MACROD2: variants seen among roughly 807,000 people sequenced by gnomAD.
MACROD2 encodes ADP-ribose glycohydrolase MACROD2.
A neutral mutation model predicts 70.4 loss-of-function variants in MACROD2; 36 were observed. The ratio of observed to expected loss-of-function variants is 0.51; its 90% CI spans 0.39 to 0.68. The LOEUF (loss-of-function observed/expected upper bound fraction) is 0.68, where lower values mean the gene tolerates loss of function less well. Among genes scored for constraint, MACROD2 ranks in the 30% least tolerant of loss-of-function variants. The pLI, the probability that MACROD2 is intolerant of heterozygous loss-of-function variation, is 0.00. For missense variants in MACROD2, 496 were observed against 538.4 expected, an observed-to-expected ratio of 0.92 and a Z score of 0.78; for synonymous variants, 172 against 178.8, an observed-to-expected ratio of 0.96 and a Z score of 0.30.
Position 15,791,086 on chromosome 20 carries a change from A to AT in MACROD2, c.646-71654dup, listed in dbSNP as rs1033385648. 4.9e-4 allele frequency among the ~76,000 whole-genome samples: 74 copies of AT among 151,764 alleles called. 1 individual carries two copies. The highest frequency in any genetic ancestry group is 1.2e-3 in the South Asian group (6 of 4,818). ...AAACTCACTGATCAATTCTACTATT[A>AT]TTTTTCTTTGTTTTCCATCTTTCCT... On this transcript the variant is annotated intron_variant, in intron 8 of 17. Transcript: ENST00000684519.
At chr20:15,711,549 G>A (rs34693351) in intron 8 of MACROD2, among the ~76,000 whole-genome samples, 5,818 of 152,268 alleles carry the variant, frequency 0.038, 197 homozygotes, top group Admixed American at 0.095. Flanking sequence ...GCTCCTTGCC[G>A]GATGGAGTGA....
intron 8 of MACROD2, among the ~76,000 whole-genome samples, chr20:15,593,063 G>A (rs762360260): frequency 6.6e-6 from 1 of 152,134 alleles, no homozygotes; most frequent in African/African-American, 2.4e-5. Flanking sequence ...AAACCAACCC[G>A]GGCTGCAATG....
At chr20:15,992,264 T>G (rs2066568603) in intron 15 of MACROD2, among the ~76,000 whole-genome samples, 1 of 152,184 alleles carries the variant, frequency 6.6e-6, no homozygotes, top group Non-Finnish European at 1.5e-5. Flanking sequence ...TCATCTTGTC[T>G]TTAAAGATTT....
At chr20:16,036,136 C>G (rs897023183) in intron 15 of MACROD2, among the ~76,000 whole-genome samples, 1 of 151,992 alleles carries the variant, frequency 6.6e-6, no homozygotes, top group African/African-American at 2.4e-5. Flanking sequence ...TAATTCAATA[C>G]AATTGAATCC....
intron 10 of MACROD2, among the ~76,000 whole-genome samples, chr20:15,889,507 T>C (rs2064862639): frequency 6.6e-6 from 1 of 152,256 alleles, no homozygotes; most frequent in African/African-American, 2.4e-5. Context: ...CTCCAGACTT[T>C]TATAGTAAGT....
chr20:15,664,178 G>A (rs916817386), intron 8 of MACROD2, among the ~76,000 whole-genome samples: 2 of 152,170 alleles, frequency 1.3e-5, no homozygotes, highest in African/African-American at 4.8e-5. Flanking sequence ...TCTAATAAAT[G>A]TGGCAAGAGT....
At chr20:15,149,538 A>C (rs1275899012) in intron 5 of MACROD2, among the ~76,000 whole-genome samples, 1 of 152,034 alleles carries the variant, frequency 6.6e-6, no homozygotes, top group African/African-American at 2.4e-5. Flanking sequence ...TGGGAGACTC[A>C]ACAAAGAGTG....
chr20:14,967,256 C>G (rs6043032), intron 5 of MACROD2, among the ~76,000 whole-genome samples: 3,257 of 151,958 alleles, frequency 0.021, 132 homozygotes, highest in African/African-American at 0.073. Flanking sequence ...GCAATGGTGC[C>G]ATCTCTGCTC....
intron 2 of MACROD2, among the ~76,000 whole-genome samples, chr20:14,081,866 G>A (rs2053999244): frequency 6.6e-6 from 1 of 152,200 alleles, no homozygotes; most frequent in African/African-American, 2.4e-5. Flanking sequence ...GAATTGGGCT[G>A]TAAGTATAAT....
chr20:14,040,503 C>G (rs1462114927), intron 2 of MACROD2, among the ~76,000 whole-genome samples: 1 of 151,788 alleles, frequency 6.6e-6, no homozygotes, highest in Non-Finnish European at 1.5e-5. Flanking sequence ...TTTGGTGTAC[C>G]CATTACCTGA....
At chr20:15,073,478 C>T (rs2075634435) in intron 5 of MACROD2, among the ~76,000 whole-genome samples, 1 of 147,070 alleles carries the variant, frequency 6.8e-6, no homozygotes, top group Non-Finnish European at 1.5e-5. Context: ...CACACACACA[C>T]ACACACACAC....
chr20:14,595,484 T>A (rs1738998303), intron 4 of MACROD2, among the ~76,000 whole-genome samples: 1 of 152,178 alleles, frequency 6.6e-6, no homozygotes, highest in East Asian at 1.9e-4. Flanking sequence ...TTGCAGTTTT[T>A]AGTTTTTCCC....
Position 14,327,411 on chromosome 20 carries a change from T to C in MACROD2, c.272-166068T>C. ...AACCCGCATCGCAGCGACACACAGA[T>C]GGACAGGATTTAGCCATAACTGATA... On this transcript the variant is annotated intron_variant, in intron 3 of 17. Transcript: ENST00000684519. 1.9e-6 allele frequency: 3 copies of C among 1,613,640 alleles called. No homozygotes were observed. The South Asian group carries it at 3.3e-5, about 18-fold the overall frequency.
chr20:14,553,126 AT>A (rs1978773197), intron 4 of MACROD2, among the ~76,000 whole-genome samples: 2 of 151,584 alleles, frequency 1.3e-5, no homozygotes, highest in South Asian at 2.1e-4. Context: ...GTTGTACAAA[AT>A]TTTTTTCTTT....
rs930669837 is a variant in MACROD2, at chr20:15,981,608, C to CA, written c.986-5113dup. ...ACTGGGTTACATGCCCAGCTAATTG[C>CA]AAAAAACAAATTTTTAGTCTTTCCT... On this transcript the variant is annotated intron_variant, in intron 13 of 17. Coordinates refer to ENST00000684519, the MANE Select transcript of MACROD2 (RefSeq NM_001351661.2). 5.3e-5 allele frequency among the ~76,000 whole-genome samples: 8 copies of CA among 152,088 alleles called. No homozygotes were observed. In the East Asian group the frequency reaches 9.7e-4, roughly 18 times the overall value.
intron 5 of MACROD2, among the ~76,000 whole-genome samples, chr20:14,689,629 A>G (rs951773209): frequency 6.6e-6 from 1 of 152,164 alleles, no homozygotes; most frequent in Non-Finnish European, 1.5e-5. Context: ...AGCTATCTAG[A>G]AAGCTCTTTC....
chr20:14,533,555 G>A (rs1230191194), intron 4 of MACROD2, among the ~76,000 whole-genome samples: 1 of 152,078 alleles, frequency 6.6e-6, no homozygotes, highest in Non-Finnish European at 1.5e-5. Context: ...AAGAAAAAGA[G>A]GATGAAAAGT....
intron 4 of MACROD2, among the ~76,000 whole-genome samples, chr20:14,605,545 G>A (rs1176199071): frequency 6.6e-6 from 1 of 152,078 alleles, no homozygotes; most frequent in Non-Finnish European, 1.5e-5. Context: ...TCTTTTATGG[G>A]CAACAAAGTT....
intron 5 of MACROD2, among the ~76,000 whole-genome samples, chr20:14,832,737 C>T (rs1309272942): frequency 1.3e-5 from 2 of 152,108 alleles, no homozygotes; most frequent in East Asian, 3.8e-4. Flanking sequence ...TTTCAGTTCC[C>T]TCACAGAGCA....
Sources: allele counts gnomAD v4.1 joint callset (sites outside exome capture counted in the v4.1 genomes callset), GRCh38; gene constraint gnomAD v4.1.1; transcripts MANE v1.5; gene names NCBI Gene and HGNC (gene_info 2026-07-23, HGNC 2026-07-21).